Variants in ANKDD1A observed in about 807,000 individuals in gnomAD.
ANKDD1A encodes the protein ankyrin repeat and death domain-containing protein 1A.
ANKDD1A carries 59 observed loss-of-function variants against 63.5 expected under a neutral mutation model. The ratio of observed to expected loss-of-function variants is 0.93; its 90% CI spans 0.75 to 1.15. The LOEUF is 1.15. Ranked by LOEUF, ANKDD1A falls within the 50% of genes most tolerant of loss-of-function variation. ANKDD1A has a pLI of 0.00. For missense variants in ANKDD1A, 632 were observed against 656.4 expected (o/e 0.96, Z 0.41); for synonymous variants, 266 against 263.9 (o/e 1.01, Z -0.08).
rs150587844 is a variant in ANKDD1A at position 64,930,207 on chromosome 15, A to G, written c.571-615A>G. ...AAACCACCAATGCACACGTTTACCG[A>G]TGTAACAAACCTGCACATTCTGCAC... On this transcript the variant is annotated intron_variant, in intron 6 of 14. Transcript: ENST00000319580. Among the ~76,000 whole-genome samples, 617 of 152,136 alleles carry G rather than the reference A, an allele frequency of 4.1e-3. 4 individuals are homozygous for G. The highest frequency in any genetic ancestry group is 0.014 in the African/African-American group (577 of 41,474).
intron 2 of ANKDD1A, among the ~76,000 whole-genome samples, chr15:64,916,274 C>G (rs2084967750): frequency 6.6e-6 from 1 of 152,046 alleles, no homozygotes; most frequent in Non-Finnish European, 1.5e-5. Flanking sequence ...ACAAACAATT[C>G]ATTCCCTCTG....
chr15:64,950,704 T>C, intron 14 of ANKDD1A: 1 of 968,226 alleles, frequency 1.0e-6, no homozygotes, highest in Non-Finnish European at 1.2e-6. Context: ...GTTTCTAGCA[T>C]ATTATTGAGG....
Position 64,947,390 on chromosome 15 carries a change from G to T in ANKDD1A, c.1162-14G>T, listed in dbSNP as rs376646295. 7 of 1,606,882 alleles carry T rather than the reference G, an allele frequency of 4.4e-6. No homozygotes were observed. The African/African-American group carries it at 9.4e-5, about 21-fold the overall frequency. On this transcript the variant is annotated splice_polypyrimidine_tract_variant and intron_variant, in intron 12 of 14. Transcript: ENST00000319580. ...TGAGGGAGAGCTTCTGCACTTTTGG[G>T]ATCTGCCCCACAGGACCACCCCAGT... is the stretch of plus-strand genomic sequence containing the variant.
At chr15:64,953,785 C>CTT (rs1255498286) in intron 14 of ANKDD1A, among the ~76,000 whole-genome samples, 11 of 140,112 alleles carry the variant, frequency 7.9e-5, no homozygotes, top group East Asian at 2.1e-4. Context: ...TCTTTTCTTT[C>CTT]TTCTGCTTTC....
chr15:64,929,945 G>A (rs1042784471), intron 6 of ANKDD1A, among the ~76,000 whole-genome samples: 1 of 152,134 alleles, frequency 6.6e-6, no homozygotes, highest in Non-Finnish European at 1.5e-5. Flanking sequence ...TCCTTTGCAG[G>A]GACATGGATG....
rs1595861285 is a variant in ANKDD1A, at chr15:64,954,385, TTCTTC to T, written c.1484-2716_1484-2712del. Among the ~76,000 whole-genome samples, 6 of 142,132 alleles carry T rather than the reference TTCTTC, an allele frequency of 4.2e-5. No homozygotes were observed. In the East Asian group the frequency reaches 7.9e-4, roughly 19 times the overall value. 93.2% of individuals were successfully genotyped at this position (142,132 alleles called of 152,430 possible). On this transcript the variant is annotated intron_variant, in intron 14 of 14. Transcript: ENST00000319580. ...TCTCCTTCTTCTTCCTTTTCTTTTC[TTCTTC>T]TTTCTTCTTCCTTCCTCTTCTTCCT...
rs1467278506 is a variant in ANKDD1A at position 64,953,630 on chromosome 15, C to CTTAGTTCTTCTTAGTT, written c.1484-3473_1484-3472insTTAGTTCTTCTTAGTT. On this transcript the variant is annotated intron_variant, in intron 14 of 14. Coordinates refer to ENST00000319580, the MANE Select transcript of ANKDD1A (RefSeq NM_182703.6). Reference sequence around the variant, plus strand: ...TTCTTCTCTCCTTCTTCTTCTTCTTCCTTCTTCTTCCTCTTCCTTCTCCTT... The same window carrying CTTAGTTCTTCTTAGTT: ...TTCTTCTCTCCTTCTTCTTCTTCTTCTTAGTTCTTCTTAGTTCTTCTTCTTCCTCTTCCTTCTCCTT... 3.0e-3 allele frequency among the ~76,000 whole-genome samples: 63 copies of CTTAGTTCTTCTTAGTT among 20,790 alleles called. 7 individuals are homozygous for CTTAGTTCTTCTTAGTT. The highest frequency in any genetic ancestry group is 5.6e-3 in the Non-Finnish European group (33 of 5,906). The allele number at this position is 20,790 out of a possible 152,430, so 13.6% of individuals were successfully genotyped here. A position where few individuals can be genotyped will look rare whatever the true frequency, so the allele number is the denominator to read the frequency against.
chr15:64,934,497 TTTC>T (rs2085112059), intron 9 of ANKDD1A, among the ~76,000 whole-genome samples: 1 of 150,104 alleles, frequency 6.7e-6, no homozygotes, highest in South Asian at 2.1e-4. Context: ...TTTTTTTTCT[TTTC>T]TTTTTTTTTT....
chr15:64,941,966 C>T (rs555280383), intron 9 of ANKDD1A, among the ~76,000 whole-genome samples: 1 of 152,176 alleles, frequency 6.6e-6, no homozygotes, highest in South Asian at 2.1e-4. Context: ...GTAGAAAGTC[C>T]AATAAGTCAT....
At chr15:64,953,146 TTTTCTCC>T (rs1246227724) in intron 14 of ANKDD1A, among the ~76,000 whole-genome samples, 123 of 23,104 alleles carry the variant, frequency 5.3e-3, no homozygotes, top group African/African-American at 7.3e-3. Context: ...TTTTCTTCCT[TTTTCTCC>T]TTTCTTCTTT....
At chr15:64,952,708 CTCCTTTCTT>C (rs2085317836) in intron 14 of ANKDD1A, among the ~76,000 whole-genome samples, 4 of 141,810 alleles carry the variant, frequency 2.8e-5, no homozygotes, top group African/African-American at 8.2e-5. Context: ...CTTAGTTCTT[CTCCTTTCTT>C]CTTTCTTCTT....
chr15:64,931,953 G>T (rs190587402), intron 8 of ANKDD1A: 209 of 332,534 alleles, frequency 6.3e-4, no homozygotes, highest in African/African-American at 4.2e-3. Context: ...AAGTGCAATG[G>T]TGCGATCTTG....
At chr15:64,916,038 C>T in intron 2 of ANKDD1A, 138 bp downstream of exon 2, 2 of 789,056 alleles carry the variant, frequency 2.5e-6, no homozygotes, top group Non-Finnish European at 3.9e-6. Flanking sequence ...GGGCTCTGTC[C>T]TCATGGCCTG....
intron 9 of ANKDD1A, among the ~76,000 whole-genome samples, chr15:64,936,799 A>G (rs1217361554): frequency 6.6e-6 from 1 of 152,216 alleles, no homozygotes. Flanking sequence ...AGCTGTGATC[A>G]CACCACTGCA....
chr15:64,956,417 C>T (rs763900769), intron 14 of ANKDD1A, among the ~76,000 whole-genome samples: 6 of 151,802 alleles, frequency 4.0e-5, no homozygotes, highest in Admixed American at 6.6e-5. Flanking sequence ...GGCATGGTGG[C>T]GGGCACCTGT....
At chr15:64,951,860 CCTCTT>C (rs1275199968) in intron 14 of ANKDD1A, among the ~76,000 whole-genome samples, 176 of 27,038 alleles carry the variant, frequency 6.5e-3, no homozygotes, top group Non-Finnish European at 0.035. Flanking sequence ...CTTTCTTCTT[CCTCTT>C]CTTTTTCTTT....
chr15:64,921,792 G>T, intron 3 of ANKDD1A, 129 bp from the exon 4 acceptor site: 1 of 703,028 alleles, frequency 1.4e-6, no homozygotes, highest in Non-Finnish European at 2.4e-6. Flanking sequence ...CTAAAGCTTG[G>T]AGCTCCCTGG....
intron 14 of ANKDD1A, among the ~76,000 whole-genome samples, chr15:64,952,026 T>C (rs2085295302): frequency 1.3e-5 from 2 of 149,796 alleles, no homozygotes; most frequent in East Asian, 1.9e-4. Context: ...CTATCTTCTT[T>C]TTCTTCTTCT....
intron 8 of ANKDD1A, chr15:64,932,422 G>A (rs2085099084): frequency 6.6e-6 from 1 of 152,138 alleles, no homozygotes; most frequent in Admixed American, 6.6e-5. Flanking sequence ...ACAGAGCTGG[G>A]GCTTGAGGTG....
Sources: gnomAD v4.1 joint callset for allele counts (sites outside exome capture counted in the v4.1 genomes callset) on GRCh38, gnomAD v4.1.1 for gene constraint, MANE v1.5 for transcripts, NCBI Gene and HGNC (gene_info 2026-07-23, HGNC 2026-07-21) for gene names.